Variants in BAZ1B observed in about 807,000 individuals in gnomAD.
BAZ1B encodes tyrosine-protein kinase BAZ1B.
BAZ1B carries 22 observed loss-of-function variants against 153.8 expected under a neutral mutation model. The ratio of observed to expected loss-of-function variants is 0.14; its 90% CI spans 0.10 to 0.20. BAZ1B has a LOEUF of 0.20. BAZ1B is among the 10% of genes least tolerant of loss of function. The probability of loss-of-function intolerance (pLI) is 1.00; values close to 1 mark genes in which losing one functional copy is unlikely to be tolerated. For synonymous variants in BAZ1B, 676 were observed against 633.4 expected, an observed-to-expected ratio of 1.07 and a Z score of -1.01; for missense variants, 1,325 against 1,799.3, an observed-to-expected ratio of 0.74 and a Z score of 4.77.
At chr7:73,468,744 T>A (rs1384580982) in intron 9 of BAZ1B, among the ~76,000 whole-genome samples, 2 of 152,198 alleles carry the variant, frequency 1.3e-5, no homozygotes, top group Non-Finnish European at 2.9e-5. Context: ...AAGAACCTTA[T>A]CTGTCTTGTT....
intron 6 of BAZ1B, among the ~76,000 whole-genome samples, chr7:73,483,419 C>T (rs1195240081): frequency 6.6e-6 from 1 of 152,212 alleles, no homozygotes; most frequent in Non-Finnish European, 1.5e-5. Flanking sequence ...CCCAGGGCAA[C>T]ATGTTAGAAC....
intron 3 of BAZ1B, among the ~76,000 whole-genome samples, chr7:73,503,648 T>G (rs1790224438): frequency 6.6e-6 from 1 of 152,228 alleles, no homozygotes; most frequent in Non-Finnish European, 1.5e-5. Flanking sequence ...GTACTGGGAT[T>G]ACAGGCAGGA....
chr7:73,479,883 G>A lies in BAZ1B; in HGVS notation c.892-1314C>T, dbSNP rs1284121755. Among the ~76,000 whole-genome samples the A allele has an allele frequency of 2.0e-5, 3 of 152,186 alleles. No individual in the cohort carries two copies. The South Asian group carries it at 6.2e-4, about 32-fold the overall frequency. On this transcript the variant is annotated intron_variant, in intron 6 of 19. Coordinates refer to ENST00000339594, the MANE Select transcript of BAZ1B (RefSeq NM_032408.4). ...AATAAAAGATAAATAAAAGTGGGTGGTCTCAGCTGGGTGTGGAGGCTCACA... is the reference window on the plus strand; with the variant it reads ...AATAAAAGATAAATAAAAGTGGGTGATCTCAGCTGGGTGTGGAGGCTCACA...
intron 2 of BAZ1B, among the ~76,000 whole-genome samples, chr7:73,509,336 C>A (rs946049711): frequency 1.2e-3 from 178 of 149,324 alleles, no homozygotes; most frequent in African/African-American, 3.9e-3. Context: ...AACAAACAAA[C>A]AAAAAAAAAC....
At position 73,521,872 on chromosome 7, in the gene BAZ1B, G is replaced by A. The variant is rs1369827677; in HGVS notation, c.62C>T (p.Pro21Leu). Residue 21 changes from proline (P) to leucine (L), a missense_variant, in exon 1 of 20, where the codon CCG (proline) becomes CTG (leucine). Pro to Leu is a moderately conservative substitution (Grantham distance 98). This residue lies in a region of BAZ1B where 61 missense variants were observed against 61.5 expected (regional missense o/e 0.99). Transcript: ENST00000339594. ...CTGAGTGTGCGGGATGGTGAAGAGC[G>A]GCTCCTCTCCGGGCAACGGCTTCAC... ...PLVKPLPGEE[P>L]LFTIPHTQEA... The A allele has an allele frequency of 2.7e-6, 4 of 1,507,768 alleles. No individual in the cohort carries two copies. The highest frequency in any genetic ancestry group is 2.1e-5 in the Admixed American group (1 of 48,048). 93.4% of individuals were successfully genotyped at this position (1,507,768 alleles called of 1,614,324 possible). A position where few individuals can be genotyped will look rare whatever the true frequency, so the allele number is the denominator to read the frequency against.
intron 1 of BAZ1B, among the ~76,000 whole-genome samples, chr7:73,511,372 T>C (rs1790572147): frequency 6.6e-6 from 1 of 152,038 alleles, no homozygotes; most frequent in Non-Finnish European, 1.5e-5. Context: ...GCTGGGCACC[T>C]GCATGGGATT....
At position 73,465,440 on chromosome 7, in the gene BAZ1B, T is replaced by G; in HGVS notation, c.3070A>C (p.Arg1024=). 1 of 1,584,260 alleles carries G rather than the reference T, an allele frequency of 6.3e-7. No individual in the cohort carries two copies. ...ESQLKERLEK[R]YQDIIHSIHL... is the part of the protein sequence containing the mutation. Reference sequence around the variant, plus strand: ...AGGAGTAAGATGAAAACCTCTTACCTCTTCTCTAGTCTCTCTTTAAGTTGA... The same window carrying G: ...AGGAGTAAGATGAAAACCTCTTACCGCTTCTCTAGTCTCTCTTTAAGTTGA... The change falls in exon 11 of 20, where the codon AGG becomes CGG. Residue 1024 remains arginine (R), a splice_region_variant and synonymous_variant. Transcript: ENST00000339594.
intron 2 of BAZ1B, among the ~76,000 whole-genome samples, chr7:73,509,401 T>C (rs1156550607): frequency 6.6e-6 from 1 of 151,884 alleles, no homozygotes; most frequent in Non-Finnish European, 1.5e-5. Context: ...CTTTAGCAAA[T>C]ATACGTAAAG....
chr7:73,511,088 G>C (rs1307606088), intron 1 of BAZ1B, among the ~76,000 whole-genome samples: 1 of 151,978 alleles, frequency 6.6e-6, no homozygotes, highest in Non-Finnish European at 1.5e-5. Flanking sequence ...CTAACACGGT[G>C]AAACCCCGTG....
chr7:73,497,081 A>AAAAAAAAAAAAAAAAAAAAAAAC (rs1242807439), intron 4 of BAZ1B, among the ~76,000 whole-genome samples: 2 of 150,436 alleles, frequency 1.3e-5, no homozygotes, highest in African/African-American at 5.0e-5. Flanking sequence ...AAAAAAAAAA[A>AAAAAAAAAAAAAAAAAAAAAAAC]AACCTACAAA....
chr7:73,468,016 ATTATTC>A (rs527723257), intron 9 of BAZ1B, among the ~76,000 whole-genome samples: 28 of 152,216 alleles, frequency 1.8e-4, no homozygotes, highest in Admixed American at 1.2e-3. Flanking sequence ...GTAAATCAGT[ATTATTC>A]TTATTTAACA....
intron 4 of BAZ1B, among the ~76,000 whole-genome samples, chr7:73,495,214 C>T (rs531838202): frequency 1.3e-5 from 2 of 152,212 alleles, no homozygotes; most frequent in African/African-American, 2.4e-5. Context: ...ACCCATGAGG[C>T]GAAGGTTGCA....
rs1341713086 is a variant in BAZ1B at position 73,515,480 on chromosome 7, ACTAGCAAG to A, written c.108-4636_108-4629del. 6.6e-5 allele frequency among the ~76,000 whole-genome samples: 10 copies of A among 151,098 alleles called. No individual in the cohort carries two copies. The South Asian group carries it at 1.9e-3, about 29-fold the overall frequency. On this transcript the variant is annotated intron_variant, in intron 1 of 19. Transcript: ENST00000339594. ...AGCTCTTTCTTTGTGCCACTAGCAAACTAGCAAGCAAGACATGTCACACACAGGGTCTG... is the reference window on the plus strand; with the variant it reads ...AGCTCTTTCTTTGTGCCACTAGCAAACAAGACATGTCACACACAGGGTCTG...
intron 13 of BAZ1B, among the ~76,000 whole-genome samples, chr7:73,458,311 G>A (rs1250633210): frequency 3.9e-5 from 6 of 152,146 alleles, no homozygotes; most frequent in Admixed American, 6.6e-5. Context: ...AAAAAGTTTT[G>A]AAGGCTGATG....
At chr7:73,466,192 C>A in intron 10 of BAZ1B, 104 bp downstream of exon 10, 1 of 787,574 alleles carries the variant, frequency 1.3e-6, no homozygotes, top group South Asian at 2.1e-5. Flanking sequence ...ACAAAGTATC[C>A]TGCGCAAATA....
chr7:73,512,028 CAAAAAAAAAAAAAAAA>C (rs1168749967), intron 1 of BAZ1B, among the ~76,000 whole-genome samples: 5 of 34,746 alleles, frequency 1.4e-4, no homozygotes, highest in Admixed American at 5.4e-4. Context: ...AACTCCACCT[CAAAAAAAAAAAAAAAA>C]AAAAAAAAAA....
At chr7:73,459,382 A>C (rs1788315692) in intron 13 of BAZ1B, among the ~76,000 whole-genome samples, 154 bp downstream of exon 13, 1 of 151,654 alleles carries the variant, frequency 6.6e-6, no homozygotes, top group Non-Finnish European at 1.5e-5. Flanking sequence ...AAGGGGTAGA[A>C]AGTGATTAAA....
Position 73,453,177 on chromosome 7 carries a change from C to G in BAZ1B, c.3433-2183G>C, listed in dbSNP as rs555735941. 1.9e-4 allele frequency among the ~76,000 whole-genome samples: 29 copies of G among 152,364 alleles called. No homozygotes were observed. In the South Asian group the frequency reaches 4.6e-3, roughly 24 times the overall value. ...CAAAGAGCAGTGGAAAATTTCAAAG[C>G]TGTGGCTGAGTTGACCTCTGGTGGG... is the stretch of plus-strand genomic sequence containing the variant. On this transcript the variant is annotated intron_variant, in intron 13 of 19. Transcript: ENST00000339594.
intron 1 of BAZ1B, among the ~76,000 whole-genome samples, chr7:73,518,158 A>G (rs186689892): frequency 1.2e-3 from 175 of 151,882 alleles, no homozygotes; most frequent in African/African-American, 4.1e-3. Flanking sequence ...TCCCAGAACT[A>G]TGGGAGGCCG....
Sources: gnomAD v4.1 joint callset for allele counts (sites outside exome capture counted in the v4.1 genomes callset) on GRCh38, gnomAD v4.1.1 for gene constraint, gnomAD v4.1.1 regional missense constraint, MANE v1.5 for transcripts, NCBI Gene and HGNC (gene_info 2026-07-23, HGNC 2026-07-21) for gene names.